LAMP3: variants seen among roughly 807,000 people sequenced by gnomAD.
The protein encoded by LAMP3 is lysosome-associated membrane glycoprotein 3.
Under a neutral mutation model 34.8 loss-of-function variants are expected in LAMP3, and 26 were observed. The ratio of observed to expected loss-of-function variants is 0.75; its 90% CI spans 0.55 to 1.04. LAMP3 has a LOEUF of 1.04. LAMP3 is among the 50% of genes least tolerant of loss of function. The pLI is 0.00. For missense variants in LAMP3, 495 were observed against 524.0 expected, an observed-to-expected ratio of 0.94 and a Z score of 0.54; for synonymous variants, 180 against 201.9, an observed-to-expected ratio of 0.89 and a Z score of 0.92.
intron 5 of LAMP3, among the ~76,000 whole-genome samples, chr3:183,125,872 G>T (rs904834794): frequency 6.6e-6 from 1 of 152,102 alleles, no homozygotes; most frequent in Non-Finnish European, 1.5e-5. Context: ...ATGGGGTCTT[G>T]CTATGTGGCC....
At chr3:183,153,447 G>A (rs1412128302) in intron 2 of LAMP3, among the ~76,000 whole-genome samples, 2 of 152,190 alleles carry the variant, frequency 1.3e-5, no homozygotes, top group Non-Finnish European at 2.9e-5. Flanking sequence ...AGTGAGGTGT[G>A]TGAATATTTA....
At chr3:183,144,044 C>T (rs1015316392) in intron 3 of LAMP3, among the ~76,000 whole-genome samples, 5 of 152,150 alleles carry the variant, frequency 3.3e-5, no homozygotes, top group Non-Finnish European at 5.9e-5. Flanking sequence ...TCCACTTCTG[C>T]AAAACACACC....
intron 5 of LAMP3, chr3:183,132,175 C>T: frequency 1.0e-6 from 1 of 985,282 alleles, no homozygotes; most frequent in Non-Finnish European, 1.2e-6. Flanking sequence ...TTTATTGAGC[C>T]CCTCCTTTTT....
chr3:183,124,754 C>T (rs951120276), intron 5 of LAMP3, among the ~76,000 whole-genome samples: 1 of 152,278 alleles, frequency 6.6e-6, no homozygotes, highest in Admixed American at 6.5e-5. Context: ...ATTGCTTGAA[C>T]CCGGGAGGCA....
intron 3 of LAMP3, among the ~76,000 whole-genome samples, chr3:183,150,307 A>G (rs1004489824): frequency 1.1e-4 from 17 of 152,194 alleles, no homozygotes; most frequent in Admixed American, 4.6e-4. Context: ...TAGGAAAGGC[A>G]GGGTTGGAGC....
At chr3:183,140,003 C>T (rs564823263) in intron 4 of LAMP3, among the ~76,000 whole-genome samples, 15 of 152,306 alleles carry the variant, frequency 9.8e-5, no homozygotes, top group East Asian at 7.7e-4. Flanking sequence ...TGATCTCTGA[C>T]GTAATCTAGT....
At position 183,132,587 on chromosome 3, in the gene LAMP3, G is replaced by A. The variant is rs371344740; in HGVS notation, c.1117+3130C>T. The A allele has an allele frequency of 2.6e-4, 259 of 985,384 alleles. No homozygotes were observed. In the African/African-American group the frequency reaches 4.2e-3, roughly 16 times the overall value. 61.0% of individuals were successfully genotyped at this position (985,384 alleles called of 1,614,324 possible). A position where few individuals can be genotyped will look rare whatever the true frequency, so the allele number is the denominator to read the frequency against. The stretch of plus-strand genomic sequence containing the variant: ...AGCCAGCACTGGTATATTCAGGTAT[G>A]GCAGAGGGCATCAAGCACACCTGGC... On this transcript the variant is annotated intron_variant, in intron 5 of 5. Transcript: ENST00000265598.
At chr3:183,160,377 A>C (rs570107435) in intron 1 of LAMP3, among the ~76,000 whole-genome samples, 1 of 152,318 alleles carries the variant, frequency 6.6e-6, no homozygotes, top group Admixed American at 6.5e-5. Context: ...TAGAGCCTGA[A>C]CCCCAAGGCC....
chr3:183,162,835 C>T, upstream of LAMP3: 1 of 579,612 alleles, frequency 1.7e-6, no homozygotes, highest in Middle Eastern at 4.7e-4. Flanking sequence ...CCTACCCCTA[C>T]GGAGCAGGGA....
intron 3 of LAMP3, among the ~76,000 whole-genome samples, chr3:183,143,158 G>A (rs766614090): frequency 2.0e-5 from 3 of 152,150 alleles, no homozygotes; most frequent in African/African-American, 4.8e-5. Flanking sequence ...GCCCAGGCTG[G>A]TGTGCAGTGG....
chr3:183,144,248 T>C (rs1720373616), intron 3 of LAMP3, among the ~76,000 whole-genome samples: 1 of 152,228 alleles, frequency 6.6e-6, no homozygotes, highest in South Asian at 2.1e-4. Flanking sequence ...CCTTCATTGA[T>C]ACATTTGTTT....
chr3:183,156,005 A>G (rs1720811364), intron 1 of LAMP3, among the ~76,000 whole-genome samples: 1 of 152,188 alleles, frequency 6.6e-6, no homozygotes, highest in East Asian at 1.9e-4. Context: ...TTCTTTTCCA[A>G]CTAGAACAGG....
chr3:183,136,767 C>T (rs529504721), intron 4 of LAMP3, among the ~76,000 whole-genome samples: 14 of 151,868 alleles, frequency 9.2e-5, no homozygotes, highest in African/African-American at 3.4e-4. Flanking sequence ...GGAGAGAAAC[C>T]TGCCTAAGGA....
chr3:183,162,877 C>T (rs561988845), upstream of LAMP3: 1 of 524,400 alleles, frequency 1.9e-6, no homozygotes, highest in Non-Finnish European at 3.3e-6. Context: ...CGCCGGGGCC[C>T]GGGCCTCTGG....
chr3:183,156,979 A>G (rs532982435), intron 1 of LAMP3, among the ~76,000 whole-genome samples: 2 of 152,162 alleles, frequency 1.3e-5, no homozygotes, highest in East Asian at 3.9e-4. Flanking sequence ...CCCTCCAGTG[A>G]CCCCAATTCA....
intron 5 of LAMP3, among the ~76,000 whole-genome samples, chr3:183,127,027 A>G (rs1475223453): frequency 6.6e-6 from 1 of 152,228 alleles, no homozygotes; most frequent in African/African-American, 2.4e-5. Flanking sequence ...TATGAAATAA[A>G]TTGGACTTGT....
intron 5 of LAMP3, 92 bp from the exon 6 acceptor site, chr3:183,124,306 T>A (rs1719733693): frequency 1.7e-6 from 2 of 1,188,972 alleles, no homozygotes; most frequent in Admixed American, 2.9e-5. Flanking sequence ...AGCTTTGGCA[T>A]CAAACAAAGC....
chr3:183,147,537 T>A (rs1382794739), intron 3 of LAMP3, among the ~76,000 whole-genome samples: 1 of 152,248 alleles, frequency 6.6e-6, no homozygotes, highest in Admixed American at 6.5e-5. Flanking sequence ...TTGTCTTTAA[T>A]TTTTGATGAA....
chr3:183,138,730 G>A lies in LAMP3; in HGVS notation c.946+1808C>T, dbSNP rs531017483. 9.2e-5 allele frequency among the ~76,000 whole-genome samples: 14 copies of A among 152,182 alleles called. No homozygotes were observed. The East Asian group carries it at 1.9e-3, about 21-fold the overall frequency. ...CTTCTCTCCCCTAGACCCCTCGGTG[G>A]CATCCTTTCACACTTTAGAATAAAG... is the stretch of plus-strand genomic sequence containing the variant. On this transcript the variant is annotated intron_variant, in intron 4 of 5. Transcript: ENST00000265598.
Sources: allele counts gnomAD v4.1 joint callset (sites outside exome capture counted in the v4.1 genomes callset), GRCh38; gene constraint gnomAD v4.1.1; transcripts MANE v1.5; gene names NCBI Gene and HGNC (gene_info 2026-07-23, HGNC 2026-07-21).